Variants in SMG1 observed in about 807,000 individuals in gnomAD.
The protein encoded by SMG1 is serine/threonine-protein kinase SMG1.
A neutral mutation model predicts 419.9 loss-of-function variants in SMG1; 22 were observed. The observed-to-expected ratio is 0.05, with a 90% CI of 0.04 to 0.07. The LOEUF is 0.07. Among genes scored for constraint, SMG1 ranks in the 10% least tolerant of loss-of-function variants. The pLI, the probability that SMG1 is intolerant of heterozygous loss-of-function variation, is 1.00. For missense variants in SMG1, 3,185 were observed against 4,342.0 expected, an observed-to-expected ratio of 0.73 and a Z score of 7.49; for synonymous variants, 1,538 against 1,553.5, an observed-to-expected ratio of 0.99 and a Z score of 0.23.
At chr16:18,842,969 TAAGA>T (rs1239957628) in intron 39 of SMG1, among the ~76,000 whole-genome samples, 1 of 152,252 alleles carries the variant, frequency 6.6e-6, no homozygotes, top group Non-Finnish European at 1.5e-5. Context: ...GATTCTTTGT[TAAGA>T]CTCTTTCTTT....
chr16:18,873,678 A>G (rs2035947576), intron 13 of SMG1, among the ~76,000 whole-genome samples: 1 of 152,242 alleles, frequency 6.6e-6, no homozygotes, highest in Non-Finnish European at 1.5e-5. Context: ...TCTCTGGTCT[A>G]AACAAAGCCC....
intron 33 of SMG1, among the ~76,000 whole-genome samples, chr16:18,851,618 T>C (rs2034601015): frequency 6.6e-6 from 1 of 152,238 alleles, no homozygotes; most frequent in Non-Finnish European, 1.5e-5. Flanking sequence ...TGGAGTGCAG[T>C]AGTGTGATCT....
At chr16:18,874,132 T>A (rs531667411) in intron 13 of SMG1, among the ~76,000 whole-genome samples, 32 of 152,258 alleles carry the variant, frequency 2.1e-4, no homozygotes, top group African/African-American at 6.5e-4. Flanking sequence ...TCCATTACTT[T>A]CTTTCTTTGT....
chr16:18,814,091 G>C (rs1016473018), intron 60 of SMG1, among the ~76,000 whole-genome samples: 2 of 129,582 alleles, frequency 1.5e-5, no homozygotes, highest in South Asian at 4.9e-4. Flanking sequence ...AAATAAATAA[G>C]AAAATAAAAA....
Position 18,919,634 on chromosome 16 carries a change from A to ATGTGTGTG in SMG1, c.92+6308_92+6315dup, listed in dbSNP as rs377359517. 7.7e-3 allele frequency among the ~76,000 whole-genome samples: 959 copies of ATGTGTGTG among 124,636 alleles called. 13 individuals carry two copies. Among genetic ancestry groups the ATGTGTGTG allele is most frequent in the African/African-American group, 0.012 (395 of 33,980 alleles). 81.8% of individuals were successfully genotyped at this position (124,636 alleles called of 152,430 possible). On this transcript the variant is annotated intron_variant, in intron 1 of 62. Coordinates refer to ENST00000446231, the MANE Select transcript of SMG1 (RefSeq NM_015092.5). Reference sequence around the variant, plus strand: ...GCAACACTCCGTCTCAAAAAAAAAAATGTGTGTGTGTGTGTGTATATATAC... The same window carrying ATGTGTGTG: ...GCAACACTCCGTCTCAAAAAAAAAAATGTGTGTGTGTGTGTGTGTGTGTGTATATATAC...
At chr16:18,885,259 T>A (rs2036566177) in intron 7 of SMG1, 97 bp from the exon 8 acceptor site, 1 of 659,266 alleles carries the variant, frequency 1.5e-6, no homozygotes, top group African/African-American at 1.8e-5. Context: ...AAAAGGAGCA[T>A]CTATGTTCTA....
At chr16:18,838,289 T>C in intron 44 of SMG1, 57 bp from the exon 45 acceptor site, 1 of 1,608,598 alleles carries the variant, frequency 6.2e-7, no homozygotes, top group Non-Finnish European at 8.5e-7. Context: ...CACTAAAGTG[T>C]GGTTTTCATT....
At chr16:18,880,185 C>A (rs1032864561) in intron 10 of SMG1, among the ~76,000 whole-genome samples, 2 of 152,182 alleles carry the variant, frequency 1.3e-5, no homozygotes, top group African/African-American at 4.8e-5. Context: ...TACTGATGGT[C>A]TCTTTTGAAA....
Position 18,872,603 on chromosome 16 carries a change from C to T in SMG1, c.1912G>A (p.Val638Ile), listed in dbSNP as rs1337317210. 1 of 1,473,090 alleles carries T rather than the reference C, an allele frequency of 6.8e-7. No homozygotes were observed. The highest frequency in any genetic ancestry group is 9.0e-7 in the Non-Finnish European group (1 of 1,105,252). 91.3% of individuals were successfully genotyped at this position (1,473,090 alleles called of 1,614,324 possible). A position where few individuals can be genotyped will look rare whatever the true frequency, so the allele number is the denominator to read the frequency against. The change falls in exon 14 of 63, where the codon GTC becomes ATC. Residue 638 changes from valine to isoleucine, a missense_variant. Physicochemically the swap from Val to Ile is conservative, Grantham distance 29. Transcript: ENST00000446231. ...AGATTCTTACTCAGAAGTGCAAAGACAGTTGGAGATAGCGCCCACATCTGA... is the reference window on the plus strand; with the variant it reads ...AGATTCTTACTCAGAAGTGCAAAGATAGTTGGAGATAGCGCCCACATCTGA... The part of the protein sequence containing the change: ...LIGMWALSPT[V>I]FALLSKNLMI...
intron 22 of SMG1, among the ~76,000 whole-genome samples, chr16:18,867,379 C>T (rs11863218): frequency 0.089 from 13,473 of 151,854 alleles, 735 homozygotes; most frequent in African/African-American, 0.16. Context: ...ACTAAAAATA[C>T]AAAACTTAGC....
Position 18,896,858 on chromosome 16 carries a change from G to A in SMG1, c.191C>T (p.Ala64Val). Residue 64 changes from alanine (A) to valine (V), a missense_variant, in exon 2 of 63, where the codon GCT (alanine) becomes GTT (valine). Physicochemically the swap from Ala to Val is moderately conservative, Grantham distance 64. Transcript: ENST00000446231. ...ATCGTGCCTTTGCCGAGACACCACA[G>A]CTGAATTTGAAGGTTGCAGTCCATA... is the stretch of plus-strand genomic sequence containing the variant. ...SSYGLQPSNS[A>V]VVSRQRHDDT... The A allele has an allele frequency of 1.2e-6, 2 of 1,609,168 alleles. No homozygotes were observed. The highest frequency in any genetic ancestry group is 2.2e-5 in the South Asian group (2 of 90,658).
intron 55 of SMG1, among the ~76,000 whole-genome samples, 157 bp downstream of exon 55, chr16:18,827,874 G>A (rs916060366): frequency 2.7e-4 from 37 of 136,902 alleles, no homozygotes; most frequent in African/African-American, 9.5e-4. Context: ...ATATATATAT[G>A]TATAAATTAA....
intron 42 of SMG1, among the ~76,000 whole-genome samples, 152 bp from the exon 43 acceptor site, chr16:18,838,841 T>C (rs1308275308): frequency 1.3e-5 from 2 of 152,226 alleles, no homozygotes; most frequent in East Asian, 3.8e-4. Context: ...TCAAGGTTGC[T>C]GCATGTGGTT....
intron 3 of SMG1, among the ~76,000 whole-genome samples, chr16:18,895,683 TAA>T (rs1210396007): frequency 6.9e-6 from 1 of 145,814 alleles, no homozygotes; most frequent in East Asian, 2.0e-4. Context: ...ACCCTGAACT[TAA>T]AAGAGAAAAA....
chr16:18,871,876 T>C (rs1596561768), intron 15 of SMG1, among the ~76,000 whole-genome samples: 2 of 151,282 alleles, frequency 1.3e-5, no homozygotes, highest in African/African-American at 4.8e-5. Flanking sequence ...GAGGCAGAGG[T>C]TGCAGTGAGC....
At chr16:18,861,607 C>T (rs1280007524) in intron 25 of SMG1, 10 of 152,256 alleles carry the variant, frequency 6.6e-5, no homozygotes, top group African/African-American at 1.9e-4. Context: ...TACCTAGATC[C>T]GTGCAACCAC....
rs571606513 is a variant in SMG1, at chr16:18,809,263, C to T, written c.*306G>A. ...GCTCCGCGGCATCCCGATTTCTTTC[C>T]GCAGCTAACCTCCCGACACGTCTGC... On this transcript the variant is annotated 3_prime_UTR_variant, in exon 63 of 63. Coordinates refer to ENST00000446231, the MANE Select transcript of SMG1 (RefSeq NM_015092.5). The T allele has an allele frequency of 2.4e-5, 8 of 327,070 alleles. No individual in the cohort carries two copies. The highest frequency in any genetic ancestry group is 8.4e-5 in the African/African-American group (4 of 47,720). 20.3% of individuals were successfully genotyped at this position (327,070 alleles called of 1,614,324 possible). A position where few individuals can be genotyped will look rare whatever the true frequency, so the allele number is the denominator to read the frequency against.
chr16:18,898,917 T>C (rs1254297838), intron 1 of SMG1, among the ~76,000 whole-genome samples: 1 of 152,170 alleles, frequency 6.6e-6, no homozygotes, highest in Non-Finnish European at 1.5e-5. Flanking sequence ...ATGTGTGCCT[T>C]TGCACAAATT....
intron 2 of SMG1, 43 bp from the exon 3 acceptor site, chr16:18,896,250 TTTCA>T (rs2037121152): frequency 7.9e-7 from 1 of 1,269,168 alleles, no homozygotes; most frequent in South Asian, 1.2e-5. Flanking sequence ...TGATTGTTCG[TTTCA>T]TTCAGTCAAT....
Sources: gnomAD v4.1 joint callset for allele counts (sites outside exome capture counted in the v4.1 genomes callset) on GRCh38, gnomAD v4.1.1 for gene constraint, MANE v1.5 for transcripts, NCBI Gene and HGNC (gene_info 2026-07-23, HGNC 2026-07-21) for gene names.